ST3GAL6: variants seen among roughly 807,000 people sequenced by gnomAD.
ST3GAL6 encodes the protein type 2 lactosamine alpha-2,3-sialyltransferase.
In ST3GAL6, 31 loss-of-function variants were observed where a neutral mutation model predicts 40.5. The observed-to-expected ratio is 0.77, with a 90% confidence interval of 0.58 to 1.03. ST3GAL6 has a LOEUF of 1.03. Ranked by LOEUF, ST3GAL6 falls within the 50% of genes least tolerant of loss-of-function variation. The pLI is 0.00. For missense variants in ST3GAL6, 357 were observed against 393.2 expected, an observed-to-expected ratio of 0.91 and a Z score of 0.78; for synonymous variants, 129 against 136.9, an observed-to-expected ratio of 0.94 and a Z score of 0.40.
At chr3:98,762,332 G>A (rs1937879434), upstream of ST3GAL6, among the ~76,000 whole-genome samples, 1 of 152,182 alleles carries the variant, frequency 6.6e-6, no homozygotes, top group South Asian at 2.1e-4. Flanking sequence ...AATATTTTTG[G>A]AGGGGGGCAT....
At chr3:98,782,457 C>T in intron 5 of ST3GAL6, 1 of 617,380 alleles carries the variant, frequency 1.6e-6, no homozygotes, top group South Asian at 1.9e-5. Context: ...CTAGTCTCTT[C>T]TGGTGATGGA....
intron 1 of ST3GAL6, among the ~76,000 whole-genome samples, chr3:98,767,599 G>T (rs1388661351): frequency 6.6e-6 from 1 of 152,168 alleles, no homozygotes; most frequent in Non-Finnish European, 1.5e-5. Flanking sequence ...GTCTATTATG[G>T]AACCATATGT....
chr3:98,772,071 A>G (rs1483699561), intron 3 of ST3GAL6, among the ~76,000 whole-genome samples: 1 of 152,252 alleles, frequency 6.6e-6, no homozygotes, highest in Non-Finnish European at 1.5e-5. Flanking sequence ...AAGGTACTCC[A>G]TAACTTTAGT....
intron 4 of ST3GAL6, 33 bp downstream of exon 4, chr3:98,772,949 A>G: frequency 7.2e-7 from 1 of 1,381,966 alleles, no homozygotes. Context: ...GGTTCTGTTA[A>G]ATTTGAGTGG....
rs188150073 is a variant in ST3GAL6 at position 98,771,233 on chromosome 3, G to A, written c.167+277G>A. 1,220 of 1,146,800 alleles carry A rather than the reference G, an allele frequency of 1.1e-3. 7 individuals carry two copies. Among genetic ancestry groups the A allele is most frequent in the African/African-American group, 7.6e-3 (479 of 63,034 alleles). The allele number at this position is 1,146,800 out of a possible 1,614,324, so 71.0% of individuals were successfully genotyped here. Reference sequence around the variant, plus strand: ...TATTTGTGTTTGATTATAAAAAAGCGAATTGTTCTTTAGGGTTTTATTTTT... The same window carrying A: ...TATTTGTGTTTGATTATAAAAAAGCAAATTGTTCTTTAGGGTTTTATTTTT... On this transcript the variant is annotated intron_variant, in intron 3 of 9. Transcript: ENST00000483910.
At chr3:98,753,140 GTTC>G (rs1432309240) in intron 1 of ST3GAL6, among the ~76,000 whole-genome samples, 2 of 152,176 alleles carry the variant, frequency 1.3e-5, no homozygotes, top group East Asian at 1.9e-4. Flanking sequence ...CATAGGAAAA[GTTC>G]TTATTACAAG....
At chr3:98,752,400 C>A (rs1051319193) in intron 1 of ST3GAL6, among the ~76,000 whole-genome samples, 1 of 151,790 alleles carries the variant, frequency 6.6e-6, no homozygotes, top group African/African-American at 2.4e-5. Flanking sequence ...ATTATTATAT[C>A]TGTTATGGTG....
chr3:98,733,058 G>C, intron 1 of ST3GAL6: 1 of 1,412,198 alleles, frequency 7.1e-7, no homozygotes. Context: ...GCCGGGGTCC[G>C]GGCGGCCTGG....
chr3:98,756,376 A>G, intron 1 of ST3GAL6: 1 of 1,289,782 alleles, frequency 7.8e-7, no homozygotes, highest in Non-Finnish European at 1.0e-6. Context: ...CAGCATTTGC[A>G]AGTGAGGAAG....
rs555625261 is a variant in ST3GAL6 at position 98,749,281 on chromosome 3, A to G, written c.-12+16749A>G. 2.6e-5 allele frequency among the ~76,000 whole-genome samples: 4 copies of G among 152,110 alleles called. No individual in the cohort carries two copies. In the East Asian group the frequency reaches 5.8e-4, roughly 22 times the overall value. On this transcript the variant is annotated intron_variant, in intron 1 of 9. Transcript: ENST00000265261. ...TTTCATAAAAAAATCTATCATATGT[A>G]TTGATTTATTTGTAATAATAAATTA...
upstream of ST3GAL6, among the ~76,000 whole-genome samples, chr3:98,758,655 C>G (rs1055062509): frequency 6.6e-6 from 1 of 152,122 alleles, no homozygotes; most frequent in African/African-American, 2.4e-5. Context: ...GATTGTGCAG[C>G]AATAATAGCA....
chr3:98,738,418 T>C (rs926808986), intron 1 of ST3GAL6, among the ~76,000 whole-genome samples: 5 of 152,042 alleles, frequency 3.3e-5, no homozygotes, highest in African/African-American at 1.2e-4. Flanking sequence ...GGACTGCAGA[T>C]ACACACCGCC....
intron 1 of ST3GAL6, among the ~76,000 whole-genome samples, chr3:98,765,109 A>G (rs1301210973): frequency 2.0e-5 from 3 of 152,214 alleles, no homozygotes; most frequent in African/African-American, 7.2e-5. Flanking sequence ...AGGAGTGTGC[A>G]TGTTAACAAG....
At chr3:98,741,998 G>T (rs1456685692) in intron 1 of ST3GAL6, among the ~76,000 whole-genome samples, 1 of 152,156 alleles carries the variant, frequency 6.6e-6, no homozygotes, top group Non-Finnish European at 1.5e-5. Flanking sequence ...CACTACAAAT[G>T]TGTGGCCTCG....
Position 98,768,624 on chromosome 3 carries a change from A to G in ST3GAL6, c.89+95A>G, listed in dbSNP as rs548297282. ...AGAGGGTCCTATGAAAAAAACTTGT[A>G]CCATTTTGAATATTTTCTTGCTTTC... On this transcript the variant is annotated intron_variant, in intron 2 of 9. Transcript: ENST00000483910. The G allele has an allele frequency of 5.6e-4, 498 of 882,522 alleles. 8 individuals are homozygous for G. The South Asian group carries it at 7.1e-3, about 13-fold the overall frequency. 54.7% of individuals were successfully genotyped at this position (882,522 alleles called of 1,614,324 possible).
chr3:98,779,389 GGC>G (rs1939856332), intron 5 of ST3GAL6, among the ~76,000 whole-genome samples: 1 of 152,220 alleles, frequency 6.6e-6, no homozygotes, highest in Non-Finnish European at 1.5e-5. Context: ...CTGCTAGCAA[GGC>G]ACATGGGGTA....
intron 8 of ST3GAL6, among the ~76,000 whole-genome samples, chr3:98,790,505 A>T (rs1352463606): frequency 6.6e-6 from 1 of 152,242 alleles, no homozygotes; most frequent in Non-Finnish European, 1.5e-5. Context: ...TGCAGGATAC[A>T]AAGTTATAAA....
chr3:98,777,414 T>G (rs556393001), intron 5 of ST3GAL6, among the ~76,000 whole-genome samples: 1 of 152,210 alleles, frequency 6.6e-6, no homozygotes, highest in African/African-American at 2.4e-5. Flanking sequence ...CTCCTCCCCC[T>G]CCCCCAGAAC....
intron 5 of ST3GAL6, among the ~76,000 whole-genome samples, chr3:98,781,760 A>G (rs376107912): frequency 6.6e-6 from 1 of 152,248 alleles, no homozygotes; most frequent in African/African-American, 2.4e-5. Flanking sequence ...CATTGAATGG[A>G]GAGGATTAGA....
Sources: gnomAD v4.1 joint callset for allele counts (sites outside exome capture counted in the v4.1 genomes callset) on GRCh38, gnomAD v4.1.1 for gene constraint, MANE v1.5 for transcripts, NCBI Gene and HGNC (gene_info 2026-07-23, HGNC 2026-07-21) for gene names.